FMN2: variants seen among roughly 807,000 people sequenced by gnomAD.
The protein encoded by FMN2 is formin-2.
Under a neutral mutation model 142.3 loss-of-function variants are expected in FMN2, and 51 were observed. The ratio of observed to expected loss-of-function variants is 0.36; its 90% CI spans 0.29 to 0.45. The LOEUF is 0.45. Ranked by LOEUF, FMN2 falls within the 20% of genes least tolerant of loss-of-function variation. The pLI, the probability that FMN2 is intolerant of heterozygous loss-of-function variation, is 1.00. For missense variants in FMN2, 1,936 were observed against 2,122.8 expected (o/e 0.91, Z 1.73); for synonymous variants, 882 against 869.8 (o/e 1.01, Z -0.25).
chr1:240,363,417 T>A (rs899203050), intron 14 of FMN2, among the ~76,000 whole-genome samples: 1 of 152,246 alleles, frequency 6.6e-6, no homozygotes, highest in African/African-American at 2.4e-5. Flanking sequence ...TGTAGATTTT[T>A]AAATTTCCCT....
chr1:240,138,912 A>C (rs1295243792), intron 2 of FMN2, among the ~76,000 whole-genome samples: 2 of 152,234 alleles, frequency 1.3e-5, no homozygotes, highest in Non-Finnish European at 2.9e-5. Context: ...TTGGGATTAA[A>C]TAAAAGGCAG....
At chr1:240,200,699 G>A (rs1484275574) in intron 4 of FMN2, among the ~76,000 whole-genome samples, 1 of 152,112 alleles carries the variant, frequency 6.6e-6, no homozygotes, top group Non-Finnish European at 1.5e-5. Context: ...GTGCAGGTAA[G>A]GATAGGTCAT....
chr1:240,129,578 C>T (rs186774370), intron 2 of FMN2, among the ~76,000 whole-genome samples: 1 of 148,958 alleles, frequency 6.7e-6, no homozygotes, highest in East Asian at 2.0e-4. Context: ...TCTCAACTCA[C>T]TGCAACCTCC....
intron 15 of FMN2, among the ~76,000 whole-genome samples, chr1:240,398,152 T>C (rs1001872556): frequency 6.6e-5 from 10 of 152,046 alleles, no homozygotes; most frequent in African/African-American, 2.2e-4. Flanking sequence ...TGCACTGCCA[T>C]ACCCAGCTAA....
chr1:240,201,304 T>C (rs1666112542), intron 4 of FMN2, among the ~76,000 whole-genome samples: 1 of 152,152 alleles, frequency 6.6e-6, no homozygotes, highest in East Asian at 1.9e-4. Context: ...TTAAACCACA[T>C]GACACAAATG....
At chr1:240,154,107 C>CAAAAAAAAAAAAA (rs3047182) in intron 2 of FMN2, among the ~76,000 whole-genome samples, 1 of 55,318 alleles carries the variant, frequency 1.8e-5, no homozygotes, top group African/African-American at 6.7e-5. Context: ...GAGATTCCAT[C>CAAAAAAAAAAAAA]AAAAAAAAAA....
chr1:240,379,904 T>G (rs1267088342), intron 14 of FMN2, among the ~76,000 whole-genome samples: 1 of 152,104 alleles, frequency 6.6e-6, no homozygotes, highest in African/African-American at 2.4e-5. Flanking sequence ...GGTTTAAATT[T>G]AACACAATTC....
At chr1:240,288,489 T>G (rs1211040462) in intron 7 of FMN2, among the ~76,000 whole-genome samples, 1 of 152,086 alleles carries the variant, frequency 6.6e-6, no homozygotes, top group Non-Finnish European at 1.5e-5. Context: ...CAACACAAGT[T>G]GGAAGCTGAA....
At chr1:240,367,099 A>T (rs1672697902) in intron 14 of FMN2, among the ~76,000 whole-genome samples, 1 of 151,756 alleles carries the variant, frequency 6.6e-6, no homozygotes, top group Admixed American at 6.6e-5. Flanking sequence ...CTTTGATTTT[A>T]TTTTTTTTAG....
Position 240,329,419 on chromosome 1 carries a change from G to C in FMN2, c.4388G>C (p.Ser1463Thr), listed in dbSNP as rs752388115. ...CILFQSTFSE[S>T]ICSIRRKLEL... ...CTGTTCCAGTCCACATTTTCAGAAA[G>C]CATTTGCTCAATTCGTCGCAAACTG... is the stretch of plus-strand genomic sequence containing the variant. The change falls in exon 10 of 18, where the codon AGC becomes ACC. Residue 1463 changes from serine to threonine, a missense_variant. Ser to Thr is a moderately conservative substitution (Grantham distance 58). This residue lies in a region of FMN2 where 322 missense variants were observed against 401.6 expected (regional missense o/e 0.80). Transcript: ENST00000319653. 1.9e-6 allele frequency: 3 copies of C among 1,614,048 alleles called. No individual in the cohort carries two copies. The Admixed American group carries it at 5.0e-5, about 27-fold the overall frequency.
chr1:240,150,250 G>C (rs1479313436), intron 2 of FMN2, among the ~76,000 whole-genome samples: 2 of 152,160 alleles, frequency 1.3e-5, no homozygotes, highest in African/African-American at 4.8e-5. Context: ...GATGCTTATA[G>C]ATACGATGAA....
intron 8 of FMN2, among the ~76,000 whole-genome samples, chr1:240,326,779 ACTGCT>A (rs1671186286): frequency 6.6e-6 from 1 of 152,130 alleles, no homozygotes; most frequent in Non-Finnish European, 1.5e-5. Flanking sequence ...TGACTAACCA[ACTGCT>A]CTGGTAGAAA....
At position 240,177,524 on chromosome 1, in the gene FMN2, A is replaced by G. The variant is rs561158809; in HGVS notation, c.1783-397A>G. Among the ~76,000 whole-genome samples, 50 of 152,274 alleles carry G rather than the reference A, an allele frequency of 3.3e-4. No individual in the cohort carries two copies. In the South Asian group the frequency reaches 0.01, roughly 32 times the overall value. On this transcript the variant is annotated intron_variant, in intron 2 of 17. Coordinates refer to ENST00000319653, the MANE Select transcript of FMN2 (RefSeq NM_020066.5). ...GCCCAAGTACAGCCTGTCCTTTGAC[A>G]TTCCCACAAGTATATAAACAATTTT... is the stretch of plus-strand genomic sequence containing the variant.
At chr1:240,166,361 G>A (rs931577044) in intron 2 of FMN2, among the ~76,000 whole-genome samples, 1 of 151,766 alleles carries the variant, frequency 6.6e-6, no homozygotes, top group African/African-American at 2.4e-5. Context: ...TCCCGAGTAA[G>A]TGAGATTGCA....
intron 14 of FMN2, among the ~76,000 whole-genome samples, chr1:240,356,707 G>C (rs997977978): frequency 1.3e-5 from 2 of 152,166 alleles, no homozygotes; most frequent in African/African-American, 4.8e-5. Flanking sequence ...AATTCTCCTA[G>C]AGGCTGACAT....
chr1:240,358,587 G>A (rs1672354565), intron 14 of FMN2, among the ~76,000 whole-genome samples: 1 of 150,872 alleles, frequency 6.6e-6, no homozygotes, highest in African/African-American at 2.5e-5. Context: ...CATGGCAGAA[G>A]GCGAAGGGGA....
chr1:240,182,063 G>T (rs182913521), intron 3 of FMN2, among the ~76,000 whole-genome samples: 1 of 152,122 alleles, frequency 6.6e-6, no homozygotes, highest in Non-Finnish European at 1.5e-5. Context: ...TTCTTTTGCT[G>T]GAAAAGATCT....
intron 4 of FMN2, among the ~76,000 whole-genome samples, chr1:240,204,607 C>T (rs747184082): frequency 6.6e-6 from 1 of 152,156 alleles, no homozygotes; most frequent in Non-Finnish European, 1.5e-5. Flanking sequence ...AAAAATTAGC[C>T]GGGCGTGGTG....
At chr1:240,434,020 A>G (rs1675269980) in intron 15 of FMN2, among the ~76,000 whole-genome samples, 1 of 152,180 alleles carries the variant, frequency 6.6e-6, no homozygotes, top group African/African-American at 2.4e-5. Flanking sequence ...GCAGAGAAGT[A>G]TATTTGTACT....
Sources: allele counts gnomAD v4.1 joint callset (sites outside exome capture counted in the v4.1 genomes callset), GRCh38; gene constraint gnomAD v4.1.1; regional missense constraint gnomAD v4.1.1; transcripts MANE v1.5; gene names NCBI Gene and HGNC (gene_info 2026-07-23, HGNC 2026-07-21).